The following CEBPZ variants were observed in gnomAD, a reference collection of about 807,000 sequenced individuals.
The protein encoded by CEBPZ is CCAAT/enhancer-binding protein zeta.
Under a neutral mutation model 104.5 loss-of-function variants are expected in CEBPZ, and 78 were observed. The ratio of observed to expected loss-of-function variants is 0.75; its 90% CI spans 0.62 to 0.90. The LOEUF is 0.90. Ranked by LOEUF, CEBPZ falls within the 40% of genes least tolerant of loss-of-function variation. The probability of loss-of-function intolerance (pLI) is 0.00; values close to 1 mark genes in which losing one functional copy is unlikely to be tolerated. For missense variants in CEBPZ, 1,439 were observed against 1,233.5 expected, an observed-to-expected ratio of 1.17 and a Z score of -2.50; for synonymous variants, 470 against 427.0, an observed-to-expected ratio of 1.10 and a Z score of -1.24.
intron 2 of CEBPZ, among the ~76,000 whole-genome samples, chr2:37,226,376 C>G (rs770975704): frequency 6.6e-5 from 10 of 152,198 alleles, no homozygotes; most frequent in Non-Finnish European, 1.0e-4. Context: ...TCACATAGCA[C>G]TAAGTGTTAG....
chr2:37,223,198 C>T lies in CEBPZ; in HGVS notation c.1853G>A (p.Gly618Asp), dbSNP rs1664808338. ...LVSEILKAKPGLRSQLDDHPE... is the reference protein window; with the variant it reads ...LVSEILKAKPDLRSQLDDHPE... The stretch of plus-strand genomic sequence containing the variant: ...ATGATCATCTAGTTGGCTTCTTAAA[C>T]CTGGTTTTGCTTTAAGGATCTCAGA... The change falls in exon 3 of 16, where the codon GGT becomes GAT. Residue 618 changes from glycine (G) to aspartate (D), a missense_variant. Transcript: ENST00000234170. 6.2e-7 allele frequency: 1 copy of T among 1,613,838 alleles called. No homozygotes were observed.
chr2:37,212,242 C>T lies in CEBPZ; in HGVS notation c.2603+93G>A, dbSNP rs932751695. On this transcript the variant is annotated intron_variant, in intron 11 of 15. Transcript: ENST00000234170. Reference sequence around the variant, plus strand: ...CCCAAACTTACTTGACTACATTTCCCCTTTATCATATAGTTCTGTGGTCTA... The same window carrying T: ...CCCAAACTTACTTGACTACATTTCCTCTTTATCATATAGTTCTGTGGTCTA... The T allele has an allele frequency of 6.8e-6, 8 of 1,175,508 alleles. No homozygotes were observed. The African/African-American group carries it at 1.2e-4, about 18-fold the overall frequency. The allele number at this position is 1,175,508 out of a possible 1,614,324, so 72.8% of individuals were successfully genotyped here.
intron 12 of CEBPZ, chr2:37,211,354 C>T (rs1677715312): frequency 7.0e-6 from 2 of 283,924 alleles, no homozygotes; most frequent in Non-Finnish European, 1.3e-5. Context: ...AAACAAGAAA[C>T]TTCTGCTGTG....
At chr2:37,231,302 G>C (rs779358839) in intron 1 of CEBPZ, 110 bp downstream of exon 1, 8 of 1,462,536 alleles carry the variant, frequency 5.5e-6, no homozygotes, top group Non-Finnish European at 6.7e-6. Context: ...CTGGGATCTC[G>C]GTCCTGGACG....
intron 13 of CEBPZ, among the ~76,000 whole-genome samples, chr2:37,207,916 A>C (rs1010738670): frequency 1.3e-5 from 2 of 152,186 alleles, no homozygotes; most frequent in Non-Finnish European, 1.5e-5. Context: ...ATTAACCAAA[A>C]AAAGAAGAGA....
intron 1 of CEBPZ, chr2:37,231,190 C>T (rs1665079125): frequency 1.4e-6 from 1 of 712,350 alleles, no homozygotes; most frequent in Admixed American, 2.0e-5. Flanking sequence ...TCGCCTACAT[C>T]CTAAGAATAG....
intron 9 of CEBPZ, among the ~76,000 whole-genome samples, chr2:37,214,480 C>T (rs757129264): frequency 3.9e-5 from 6 of 151,928 alleles, no homozygotes; most frequent in Non-Finnish European, 8.8e-5. Flanking sequence ...ATATTAAAAT[C>T]TATATTAAAG....
chr2:37,201,975 C>T, intron 15 of CEBPZ, 72 bp from the exon 16 acceptor site: 1 of 1,452,752 alleles, frequency 6.9e-7, no homozygotes, highest in Non-Finnish European at 9.4e-7. Context: ...GAACATGCTG[C>T]TGAGTCACAG....
At chr2:37,206,959 G>GA (rs1315613517) in intron 13 of CEBPZ, among the ~76,000 whole-genome samples, 1 of 152,126 alleles carries the variant, frequency 6.6e-6, no homozygotes, top group Non-Finnish European at 1.5e-5. Context: ...GGTGGGAAAA[G>GA]ATATTCCATG....
At chr2:37,203,593 A>G (rs957471411) in intron 13 of CEBPZ, 7 of 152,280 alleles carry the variant, frequency 4.6e-5, no homozygotes, top group Non-Finnish European at 7.3e-5. Context: ...TACTAAATAC[A>G]GATCATAACA....
At position 37,201,836 on chromosome 2, in the gene CEBPZ, G is replaced by T; in HGVS notation, c.3093C>A (p.Ile1031=). 2 of 1,609,932 alleles carry T rather than the reference G, an allele frequency of 1.2e-6. No homozygotes were observed. The highest frequency in any genetic ancestry group is 1.1e-5 in the South Asian group (1 of 90,998). The part of the protein sequence containing the change: ...DWLHNRDAKS[I]IKKKKHFKKK... ...TTTTAAAATGTTTCTTTTTCTTGATGATACTTTTTGCATCTCTGTTGTGTA... is the reference window on the plus strand; with the variant it reads ...TTTTAAAATGTTTCTTTTTCTTGATTATACTTTTTGCATCTCTGTTGTGTA... The change falls in exon 16 of 16, where the codon ATC becomes ATA. Residue 1031 remains isoleucine, a synonymous_variant. Coordinates refer to ENST00000234170, the MANE Select transcript of CEBPZ (RefSeq NM_005760.3).
At chr2:37,218,042 C>T (rs1365443700) in intron 5 of CEBPZ, among the ~76,000 whole-genome samples, 5 of 151,324 alleles carry the variant, frequency 3.3e-5, no homozygotes, top group South Asian at 2.1e-4. Flanking sequence ...CCGAGGCGGG[C>T]GGATCACGAG....
At chr2:37,215,125 T>C (rs901126273) in intron 8 of CEBPZ, among the ~76,000 whole-genome samples, 173 bp from the exon 9 acceptor site, 1 of 152,142 alleles carries the variant, frequency 6.6e-6, no homozygotes, top group African/African-American at 2.4e-5. Context: ...AAAGTCTGTG[T>C]GAAGACCCCC....
chr2:37,213,515 G>A (rs374233978), intron 10 of CEBPZ: 110 of 168,522 alleles, frequency 6.5e-4, no homozygotes, highest in African/African-American at 2.5e-3. Flanking sequence ...GGATTCAAGC[G>A]ATTCTCGTGC....
At chr2:37,230,344 T>C in intron 1 of CEBPZ, among the ~76,000 whole-genome samples, 1 of 152,220 alleles carries the variant, frequency 6.6e-6, no homozygotes, top group Non-Finnish European at 1.5e-5. Context: ...CCCTGAAAGA[T>C]ATAAAATGCA....
intron 13 of CEBPZ, among the ~76,000 whole-genome samples, chr2:37,205,961 AGAT>A (rs1677525411): frequency 6.6e-6 from 1 of 152,236 alleles, no homozygotes; most frequent in Non-Finnish European, 1.5e-5. Flanking sequence ...GAAAAGAAAA[AGAT>A]AACAGGTGTC....
At chr2:37,230,869 C>G (rs1179249380) in intron 1 of CEBPZ, among the ~76,000 whole-genome samples, 2 of 152,210 alleles carry the variant, frequency 1.3e-5, no homozygotes, top group African/African-American at 4.8e-5. Context: ...TGTCGATCAT[C>G]TCATTTAATA....
chr2:37,216,559 C>T (rs1434040947), intron 6 of CEBPZ, 141 bp from the exon 7 acceptor site: 3 of 641,596 alleles, frequency 4.7e-6, no homozygotes, highest in Non-Finnish European at 8.1e-6. Context: ...AAATATCTCT[C>T]TCATGCACAT....
In CEBPZ at chr2:37,216,221, A is replaced by G; in HGVS notation, c.2312-13T>C. The stretch of plus-strand genomic sequence containing the variant: ...CTATCTGTGTTTTCTGAAATGTAAA[A>G]TTATGACAGTATAATGCAAAACCTA... On this transcript the variant is annotated splice_polypyrimidine_tract_variant and intron_variant, in intron 7 of 15. Coordinates refer to ENST00000234170, the MANE Select transcript of CEBPZ (RefSeq NM_005760.3). 1 of 1,611,462 alleles carries G rather than the reference A, an allele frequency of 6.2e-7. No homozygotes were observed. The highest frequency in any genetic ancestry group is 8.5e-7 in the Non-Finnish European group (1 of 1,178,550).
Sources: allele counts gnomAD v4.1 joint callset (sites outside exome capture counted in the v4.1 genomes callset), GRCh38; gene constraint gnomAD v4.1.1; transcripts MANE v1.5; gene names NCBI Gene and HGNC (gene_info 2026-07-23, HGNC 2026-07-21).